THSD7A: variants seen among roughly 807,000 people sequenced by gnomAD.
THSD7A encodes thrombospondin type 1 domain containing 7A.
A neutral mutation model predicts 231.3 loss-of-function variants in THSD7A; 96 were observed. The ratio of observed to expected loss-of-function variants is 0.41; its 90% CI spans 0.35 to 0.49. The LOEUF is 0.49. Ranked by LOEUF, THSD7A falls within the 20% of genes least tolerant of loss-of-function variation. THSD7A has a pLI of 0.05. For synonymous variants in THSD7A, 940 were observed against 743.3 expected, an observed-to-expected ratio of 1.26 and a Z score of -4.30; for missense variants, 2,290 against 2,070.2, an observed-to-expected ratio of 1.11 and a Z score of -2.06.
intron 4 of THSD7A, among the ~76,000 whole-genome samples, chr7:11,575,595 C>G (rs1790862872): frequency 6.6e-6 from 1 of 152,180 alleles, no homozygotes; most frequent in Non-Finnish European, 1.5e-5. Flanking sequence ...ACTCCAGATA[C>G]TTGTGTCAGG....
In THSD7A at chr7:11,695,269, C is replaced by T. The variant is rs139762820; in HGVS notation, c.191-58308G>A. On this transcript the variant is annotated intron_variant, in intron 1 of 27. Transcript: ENST00000423059. ...AGTATACCAAGAATAGTTAGGATAT[C>T]GAGAGTCTAGAATGTATTAAAACCT... 4.9e-3 allele frequency among the ~76,000 whole-genome samples: 740 copies of T among 151,476 alleles called. 7 individuals carry two copies. The highest frequency in any genetic ancestry group is 0.013 in the African/African-American group (520 of 41,422).
At chr7:11,588,640 TA>T (rs941631454) in intron 4 of THSD7A, among the ~76,000 whole-genome samples, 16 of 152,012 alleles carry the variant, frequency 1.1e-4, no homozygotes, top group Non-Finnish European at 1.9e-4. Flanking sequence ...GAAAATGCTT[TA>T]AAAAAAATAC....
chr7:11,695,480 T>C (rs1451237382), intron 1 of THSD7A, among the ~76,000 whole-genome samples: 1 of 151,484 alleles, frequency 6.6e-6, no homozygotes, highest in Non-Finnish European at 1.5e-5. Context: ...TTCCATATAG[T>C]GTCAGTTTTA....
Position 11,628,553 on chromosome 7 carries a change from TC to T in THSD7A, c.1022+7576del, listed in dbSNP as rs1781547921. Among the ~76,000 whole-genome samples, 10 of 122,672 alleles carry T rather than the reference TC, an allele frequency of 8.2e-5. No individual in the cohort carries two copies. The South Asian group carries it at 2.4e-3, about 30-fold the overall frequency. The allele number at this position is 122,672 out of a possible 152,430, so 80.5% of individuals were successfully genotyped here. On this transcript the variant is annotated intron_variant, in intron 2 of 27. Coordinates refer to ENST00000423059, the MANE Select transcript of THSD7A (RefSeq NM_015204.3). ...TCTCTGTTGTTATCTGCACGCACTT[TC>T]TCTCTCTCTCTCTGTAGACAAAACA... is the stretch of plus-strand genomic sequence containing the variant.
At chr7:11,518,644 GAT>G (rs1788137780) in intron 6 of THSD7A, among the ~76,000 whole-genome samples, 2 of 150,700 alleles carry the variant, frequency 1.3e-5, no homozygotes. Flanking sequence ...CGCACACATA[GAT>G]TTCTTTTCCC....
At chr7:11,640,185 C>T (rs1782027969) in intron 1 of THSD7A, among the ~76,000 whole-genome samples, 1 of 152,032 alleles carries the variant, frequency 6.6e-6, no homozygotes, top group Non-Finnish European at 1.5e-5. Context: ...CTCTATAGCC[C>T]CTTGAGGACA....
chr7:11,490,801 T>C (rs1042341820), intron 6 of THSD7A, among the ~76,000 whole-genome samples: 2 of 152,116 alleles, frequency 1.3e-5, no homozygotes, highest in Non-Finnish European at 2.9e-5. Flanking sequence ...TTACCACTAA[T>C]GTGCCCTTGA....
At chr7:11,549,337 A>C (rs1280719619) in intron 4 of THSD7A, among the ~76,000 whole-genome samples, 1 of 151,604 alleles carries the variant, frequency 6.6e-6, no homozygotes, top group Admixed American at 6.6e-5. Flanking sequence ...TGTGAAAAGT[A>C]AATTAGTTCA....
intron 1 of THSD7A, among the ~76,000 whole-genome samples, chr7:11,786,384 C>A (rs145029771): frequency 1.8e-4 from 27 of 152,016 alleles, no homozygotes; most frequent in African/African-American, 6.0e-4. Flanking sequence ...AACAGGAGAG[C>A]TTGCCAGGAG....
intron 1 of THSD7A, among the ~76,000 whole-genome samples, chr7:11,743,501 T>C (rs1276466979): frequency 6.6e-6 from 1 of 151,928 alleles, no homozygotes; most frequent in Non-Finnish European, 1.5e-5. Flanking sequence ...TTTTTTGTAG[T>C]CTAATACTAC....
In THSD7A at chr7:11,625,356, A is replaced by C. The variant is rs143231804; in HGVS notation, c.1022+10774T>G. Among the ~76,000 whole-genome samples the C allele has an allele frequency of 4.5e-4, 68 of 152,232 alleles. No individual in the cohort carries two copies. The East Asian group carries it at 0.013, about 28-fold the overall frequency. On this transcript the variant is annotated intron_variant, in intron 2 of 27. Coordinates refer to ENST00000423059, the MANE Select transcript of THSD7A (RefSeq NM_015204.3). ...AATATTCCAAGATGTTTACTGTACAATGGCTTCTTGTATTAAGCACAGCAG... is the reference window on the plus strand; with the variant it reads ...AATATTCCAAGATGTTTACTGTACACTGGCTTCTTGTATTAAGCACAGCAG...
chr7:11,485,472 G>A (rs886225206), intron 6 of THSD7A, among the ~76,000 whole-genome samples: 1 of 152,164 alleles, frequency 6.6e-6, no homozygotes, highest in Non-Finnish European at 1.5e-5. Context: ...CAGGCACTAT[G>A]CTAAGAATGT....
At chr7:11,800,919 C>A (rs1052495346) in intron 1 of THSD7A, among the ~76,000 whole-genome samples, 7 of 152,058 alleles carry the variant, frequency 4.6e-5, no homozygotes, top group African/African-American at 7.2e-5. Flanking sequence ...ACAAAGAACA[C>A]AAAGAAATTT....
intron 1 of THSD7A, among the ~76,000 whole-genome samples, chr7:11,807,120 TAAAC>T (rs919150276): frequency 6.6e-6 from 1 of 152,178 alleles, no homozygotes; most frequent in Admixed American, 6.6e-5. Flanking sequence ...TGAAGTGTTT[TAAAC>T]AAACAGTGCA....
Position 11,435,937 on chromosome 7 carries a change from T to C in THSD7A, c.3065-6812A>G, listed in dbSNP as rs549803952. On this transcript the variant is annotated intron_variant, in intron 13 of 27. Coordinates refer to ENST00000423059, the MANE Select transcript of THSD7A (RefSeq NM_015204.3). ...CTGTGAAGTTTGGCCTAACTCCAGG[T>C]AGTTAGTGTCAGAATTATATTGCAC... 8.0e-4 allele frequency among the ~76,000 whole-genome samples: 122 copies of C among 152,154 alleles called. 1 individual carries two copies. In the South Asian group the frequency reaches 8.7e-3, roughly 11 times the overall value.
intron 1 of THSD7A, among the ~76,000 whole-genome samples, chr7:11,771,422 AAAT>A (rs1783224574): frequency 6.6e-6 from 1 of 152,126 alleles, no homozygotes; most frequent in African/African-American, 2.4e-5. Flanking sequence ...ATTTATAATT[AAAT>A]AAATAGAAAA....
intron 13 of THSD7A, among the ~76,000 whole-genome samples, chr7:11,433,541 T>C (rs1256027802): frequency 2.6e-5 from 4 of 152,030 alleles, no homozygotes; most frequent in African/African-American, 9.7e-5. Flanking sequence ...ATATTATCAA[T>C]GGCTTTGGCA....
intron 2 of THSD7A, among the ~76,000 whole-genome samples, chr7:11,624,285 A>G (rs868399919): frequency 2.0e-5 from 3 of 152,076 alleles, no homozygotes; most frequent in Non-Finnish European, 2.9e-5. Context: ...CCTCCAATCC[A>G]TTCTGCATAT....
chr7:11,808,710 G>C (rs1268918358), intron 1 of THSD7A, among the ~76,000 whole-genome samples: 5 of 152,042 alleles, frequency 3.3e-5, no homozygotes, highest in Admixed American at 3.3e-4. Flanking sequence ...ACTAGTACAT[G>C]TATAAACTAT....
Sources: gnomAD v4.1 joint callset for allele counts (sites outside exome capture counted in the v4.1 genomes callset) on GRCh38, gnomAD v4.1.1 for gene constraint, MANE v1.5 for transcripts, NCBI Gene and HGNC (gene_info 2026-07-23, HGNC 2026-07-21) for gene names.